Variants in TNKS observed in about 807,000 individuals in gnomAD.
TNKS encodes poly [ADP-ribose] polymerase tankyrase-1.
In TNKS, 72 loss-of-function variants were observed where a neutral mutation model predicts 135.8. The ratio of observed to expected loss-of-function variants is 0.53; its 90% CI spans 0.44 to 0.64. The LOEUF (loss-of-function observed/expected upper bound fraction) is 0.64, where lower values mean the gene tolerates loss of function less well. Among genes scored for constraint, TNKS ranks in the 30% least tolerant of loss-of-function variants. The pLI, the probability that TNKS is intolerant of heterozygous loss-of-function variation, is 0.00. For missense variants in TNKS, 1,769 were observed against 1,674.0 expected, an observed-to-expected ratio of 1.06 and a Z score of -0.99; for synonymous variants, 849 against 649.3, an observed-to-expected ratio of 1.31 and a Z score of -4.68.
chr8:9,559,249 A>G (rs1797226571), intron 1 of TNKS, among the ~76,000 whole-genome samples: 1 of 152,174 alleles, frequency 6.6e-6, no homozygotes, highest in South Asian at 2.1e-4. Context: ...GTCTGTCCCA[A>G]TATGTAATAG....
chr8:9,638,762 G>A (rs1800614804), intron 3 of TNKS, among the ~76,000 whole-genome samples: 1 of 152,156 alleles, frequency 6.6e-6, no homozygotes, highest in Non-Finnish European at 1.5e-5. Flanking sequence ...TATTTTAAAT[G>A]TGTGAAAAGC....
intron 3 of TNKS, among the ~76,000 whole-genome samples, chr8:9,659,151 C>G (rs943990766): frequency 3.9e-5 from 6 of 152,142 alleles, no homozygotes; most frequent in Admixed American, 6.5e-5. Flanking sequence ...CTTTAACACC[C>G]CACTGTCAAC....
rs562112219 is a variant in TNKS at position 9,645,437 on chromosome 8, A to G, written c.994+29760A>G. On this transcript the variant is annotated intron_variant, in intron 3 of 26. Coordinates refer to ENST00000310430, the MANE Select transcript of TNKS (RefSeq NM_003747.3). ...GGAGTTGTCTGCATAGTCTGAAGGG[A>G]TAAAGACACACAAACAGGACGAACC... is the stretch of plus-strand genomic sequence containing the variant. Among the ~76,000 whole-genome samples the G allele has an allele frequency of 2.3e-4, 35 of 152,310 alleles. 2 individuals are homozygous for G. The South Asian group carries it at 7.2e-3, about 32-fold the overall frequency.
Position 9,735,469 on chromosome 8 carries a change from A to G in TNKS, c.2626A>G (p.Asn876Asp). The G allele has an allele frequency of 6.2e-7, 1 of 1,613,848 alleles. No homozygotes were observed. The highest frequency in any genetic ancestry group is 8.5e-7 in the Non-Finnish European group (1 of 1,179,812). ...QDKGGLIPLH[N>D]AASYGHVDIA... is the part of the protein sequence containing the mutation. ...CAAGGGTGGTTTAATTCCTCTTCAT[A>G]ATGCGGCATCTTATGGGGTAAGCAT... The change falls in exon 17 of 27, where the codon AAT becomes GAT. Residue 876 changes from asparagine to aspartate, a missense_variant. By Grantham distance (23) the Asn-to-Asp change is conservative (BLOSUM62 1). Around this residue, in one of 5 missense-constraint regions of TNKS, gnomAD observed 722 missense variants for 688.9 expected, o/e 1.05. Transcript: ENST00000310430.
chr8:9,671,905 G>A (rs1802284875), intron 3 of TNKS, among the ~76,000 whole-genome samples: 1 of 152,144 alleles, frequency 6.6e-6, no homozygotes, highest in Non-Finnish European at 1.5e-5. Context: ...AGTTTTATAT[G>A]GCATGATGCT....
At chr8:9,694,417 G>C (rs531613924) in intron 5 of TNKS, among the ~76,000 whole-genome samples, 2 of 152,154 alleles carry the variant, frequency 1.3e-5, no homozygotes, top group Non-Finnish European at 1.5e-5. Flanking sequence ...ACATGTGTAA[G>C]AGTAAAAGAT....
At chr8:9,762,857 A>T (rs1367051061) in intron 21 of TNKS, among the ~76,000 whole-genome samples, 1 of 151,370 alleles carries the variant, frequency 6.6e-6, no homozygotes, top group African/African-American at 2.4e-5. Flanking sequence ...GTAAGCCGAG[A>T]TCACGTCACT....
chr8:9,718,287 T>A (rs1161970985), intron 11 of TNKS, among the ~76,000 whole-genome samples: 1 of 152,184 alleles, frequency 6.6e-6, no homozygotes, highest in Non-Finnish European at 1.5e-5. Context: ...AGCTTTTAGG[T>A]TGAGGCAAAC....
At position 9,681,025 on chromosome 8, in the gene TNKS, G is replaced by T. The variant is rs1802760266; in HGVS notation, c.1107+225G>T. ...CCTTTTCTCTTAAATGTCAGACACA[G>T]CAAGTTATTTGTTACATGAAACTGC... On this transcript the variant is annotated intron_variant, in intron 5 of 26. Coordinates refer to ENST00000310430, the MANE Select transcript of TNKS (RefSeq NM_003747.3). 5 of 372,632 alleles carry T rather than the reference G, an allele frequency of 1.3e-5. No homozygotes were observed. In the Admixed American group the frequency reaches 1.8e-4, roughly 13 times the overall value. The allele number at this position is 372,632 out of a possible 1,614,324, so 23.1% of individuals were successfully genotyped here.
At chr8:9,648,086 G>A (rs886187124) in intron 3 of TNKS, among the ~76,000 whole-genome samples, 1 of 152,160 alleles carries the variant, frequency 6.6e-6, no homozygotes, top group Non-Finnish European at 1.5e-5. Context: ...TGGAGCTTGC[G>A]GGACTGGAAG....
At chr8:9,589,175 A>G (rs905757314) in intron 2 of TNKS, among the ~76,000 whole-genome samples, 12 of 152,230 alleles carry the variant, frequency 7.9e-5, no homozygotes, top group Admixed American at 5.2e-4. Context: ...TAATGAAACA[A>G]TAATCTACTT....
rs1282316063 is a variant in TNKS at position 9,763,156 on chromosome 8, C to G, written c.3284C>G (p.Pro1095Arg). The G allele has an allele frequency of 1.3e-6, 2 of 1,584,456 alleles. No homozygotes were observed. Among genetic ancestry groups the G allele is most frequent in the Non-Finnish European group, 1.7e-6 (2 of 1,163,750 alleles). The change falls in exon 22 of 27, where the codon CCT becomes CGT. Residue 1095 changes from proline (P) to arginine (R), a missense_variant. Around this residue, in one of 5 missense-constraint regions of TNKS, gnomAD observed 722 missense variants for 688.9 expected, o/e 1.05. Coordinates refer to ENST00000310430, the MANE Select transcript of TNKS (RefSeq NM_003747.3). ...TTTTTCTCTCCGACAGGCACCAATC[C>G]TTATTTGACTTTTCACTGTGTTAAT... ...RLLGGQQGTN[P>R]YLTFHCVNQG...
chr8:9,773,347 T>C (rs532156931), intron 26 of TNKS, among the ~76,000 whole-genome samples: 1 of 152,268 alleles, frequency 6.6e-6, no homozygotes, highest in South Asian at 2.1e-4. Flanking sequence ...ATACCAAACA[T>C]AGATTCACCC....
chr8:9,662,255 A>G (rs1217077720), intron 3 of TNKS, among the ~76,000 whole-genome samples: 1 of 152,244 alleles, frequency 6.6e-6, no homozygotes, highest in Non-Finnish European at 1.5e-5. Context: ...GTATATACCC[A>G]AAGGATTATA....
intron 2 of TNKS, among the ~76,000 whole-genome samples, chr8:9,602,841 T>A (rs1364740880): frequency 1.3e-5 from 2 of 152,254 alleles, no homozygotes; most frequent in Non-Finnish European, 2.9e-5. Flanking sequence ...GTGAGATTTT[T>A]AACATTATTT....
intron 2 of TNKS, among the ~76,000 whole-genome samples, chr8:9,581,888 A>T (rs1296073302): frequency 6.6e-6 from 1 of 152,130 alleles, no homozygotes; most frequent in East Asian, 1.9e-4. Flanking sequence ...GGTTCTATTG[A>T]AATAAAAGAC....
intron 3 of TNKS, among the ~76,000 whole-genome samples, chr8:9,656,347 C>G (rs1801367023): frequency 6.6e-6 from 1 of 152,170 alleles, no homozygotes; most frequent in East Asian, 1.9e-4. Context: ...CTTCCCAAAC[C>G]TAGCAAGGCA....
At chr8:9,726,579 C>A in intron 12 of TNKS, 62 bp from the exon 13 acceptor site, 1 of 1,235,548 alleles carries the variant, frequency 8.1e-7, no homozygotes, top group Non-Finnish European at 1.1e-6. Flanking sequence ...TTTCCAAAAT[C>A]AATGCAGTTG....
intron 2 of TNKS, among the ~76,000 whole-genome samples, chr8:9,598,765 GTATATATATATATATATATATATA>G (rs71201956): frequency 0.011 from 553 of 49,622 alleles, 18 homozygotes; most frequent in East Asian, 0.072. Flanking sequence ...ATGTGTGTGT[GTATATATATATATATATATATATA>G]TATATATATA....
Sources: allele counts gnomAD v4.1 joint callset (sites outside exome capture counted in the v4.1 genomes callset), GRCh38; gene constraint gnomAD v4.1.1; regional missense constraint gnomAD v4.1.1; transcripts MANE v1.5; gene names NCBI Gene and HGNC (gene_info 2026-07-23, HGNC 2026-07-21).